Variants in BAG5 observed in about 807,000 individuals in gnomAD.
BAG5 encodes the protein BAG cochaperone 5.
BAG5 carries 25 observed loss-of-function variants against 31.8 expected under a neutral mutation model. The ratio of observed to expected loss-of-function variants is 0.79; its 90% confidence interval spans 0.57 to 1.10. The LOEUF (loss-of-function observed/expected upper bound fraction) is 1.10. Among genes scored for constraint, BAG5 ranks in the 50% least tolerant of loss-of-function variants. The probability of loss-of-function intolerance (pLI) is 0.00; values close to 1 mark genes in which losing one functional copy is unlikely to be tolerated. For synonymous variants in BAG5, 208 were observed against 205.0 expected, an observed-to-expected ratio of 1.01 and a Z score of -0.13; for missense variants, 491 against 527.9, an observed-to-expected ratio of 0.93 and a Z score of 0.68.
chr14:103,559,711 TA>T lies in BAG5; in HGVS notation c.*109del, dbSNP rs2076057963. 4 of 1,362,326 alleles carry T rather than the reference TA, an allele frequency of 2.9e-6. No individual in the cohort carries two copies. The highest frequency in any genetic ancestry group is 4.0e-6 in the Non-Finnish European group (4 of 1,008,306). The allele number at this position is 1,362,326 out of a possible 1,614,324, so 84.4% of individuals were successfully genotyped here. On this transcript the variant is annotated 3_prime_UTR_variant, in exon 2 of 2. Transcript: ENST00000299204. ...TACTGAATAGAATTTGCTTCAATCA[TA>T]AATACTGAGACTGAAATATGCACGT...
In BAG5 at chr14:103,560,540, T is replaced by C; in HGVS notation, c.625A>G (p.Asn209Asp). 1 of 1,614,096 alleles carries C rather than the reference T, an allele frequency of 6.2e-7. No individual in the cohort carries two copies. Among genetic ancestry groups the C allele is most frequent in the Non-Finnish European group, 8.5e-7 (1 of 1,180,016 alleles). Residue 209 changes from asparagine (N) to aspartate (D), a missense_variant, in exon 2 of 2, where the codon AAC becomes GAC. By Grantham distance (23) the Asn-to-Asp change is conservative. Transcript: ENST00000299204. ...VLIALLMGVN[N>D]NETCRHLSCV... ...GATAAGTGCCTGCAGGTCTCATTGT[T>C]GTTCACACCCATCAGAAGTGCAATC...
chr14:103,562,508 G>A (rs1283800510), intron 1 of BAG5, 108 bp downstream of exon 1: 1 of 160,610 alleles, frequency 6.2e-6, no homozygotes, highest in African/African-American at 2.4e-5. Context: ...AGGCCGCACG[G>A]GGCTGGGCGC....
chr14:103,561,564 C>A (rs1181230314), intron 1 of BAG5, among the ~76,000 whole-genome samples: 2 of 152,176 alleles, frequency 1.3e-5, no homozygotes, highest in East Asian at 3.8e-4. Flanking sequence ...CAGTACCCCG[C>A]CCCGCCACAC....
In BAG5 at chr14:103,557,199, C is replaced by G. The variant is rs1296690249; in HGVS notation, c.*2622G>C. The G allele has an allele frequency of 6.6e-6, 1 of 152,136 alleles. No individual in the cohort carries two copies. Among genetic ancestry groups the G allele is most frequent in the Non-Finnish European group, 1.5e-5 (1 of 68,014 alleles). 9.4% of individuals were successfully genotyped at this position (152,136 alleles called of 1,614,324 possible). On this transcript the variant is annotated 3_prime_UTR_variant, in exon 2 of 2. Transcript: ENST00000299204. ...AGTACAGATTCTTTTCATTACAGATCACAAAAATACAATACAATGTGACAA... is the reference window on the plus strand; with the variant it reads ...AGTACAGATTCTTTTCATTACAGATGACAAAAATACAATACAATGTGACAA...
rs1449328760 is a variant in BAG5, at chr14:103,558,210, T to C, written c.*1611A>G. 2 of 152,102 alleles carry C rather than the reference T, an allele frequency of 1.3e-5. No homozygotes were observed. The highest frequency in any genetic ancestry group is 2.9e-5 in the Non-Finnish European group (2 of 68,024). The allele number at this position is 152,102 out of a possible 1,614,324, so 9.4% of individuals were successfully genotyped here. A position where few individuals can be genotyped will look rare whatever the true frequency, so the allele number is the denominator to read the frequency against. On this transcript the variant is annotated 3_prime_UTR_variant, in exon 2 of 2. Coordinates refer to ENST00000299204, the MANE Select transcript of BAG5 (RefSeq NM_001015048.3). ...CACCGTCCAGCGATTCTAGAACATT[T>C]CTAGTAGGAAAGACATAGCAAGGGA...
rs1004919467 is a variant in BAG5, at chr14:103,561,041, G to A, written c.124C>T (p.Leu42=). 7 of 1,613,464 alleles carry A rather than the reference G, an allele frequency of 4.3e-6. No individual in the cohort carries two copies. Among genetic ancestry groups the A allele is most frequent in the Admixed American group, 1.7e-5 (1 of 60,016 alleles). The stretch of plus-strand genomic sequence containing the variant: ...AGCTGTTTTGTTAGAATCCTCTCCA[G>A]TTTCTTGTAATTCTTGTCATCTGAC... ...GLSDDKNYKK[L]ERILTKQLFE... Residue 42 remains leucine (L), a synonymous_variant, in exon 2 of 2, where the codon CTG becomes TTG. Transcript: ENST00000299204.
chr14:103,559,803 A>C lies in BAG5; in HGVS notation c.*18T>G. ...ATATGAAGTGCAAAACAGTATCAAA[A>C]GTGAGATCTCTGGTATTTCAGTACT... On this transcript the variant is annotated 3_prime_UTR_variant, in exon 2 of 2. Coordinates refer to ENST00000299204, the MANE Select transcript of BAG5 (RefSeq NM_001015048.3). 6.2e-7 allele frequency: 1 copy of C among 1,605,988 alleles called. No homozygotes were observed. The highest frequency in any genetic ancestry group is 2.2e-5 in the East Asian group (1 of 44,752).
At position 103,559,997 on chromosome 14, in the gene BAG5, G is replaced by A. The variant is rs182208325; in HGVS notation, c.1168C>T (p.Arg390Ter). Residue 390 changes from arginine (R) to a stop codon, truncating the protein, a stop_gained, in exon 2 of 2, where the codon CGA becomes TGA. Coordinates refer to ENST00000299204, the MANE Select transcript of BAG5 (RefSeq NM_001015048.3). LOFTEE classifies it high-confidence loss of function. Reference sequence around the variant, plus strand: ...AGCCGGATGTAGTTCTTATCGGTTCGATTTCCATCAAATGAAAGAACTTCT... The same window carrying A: ...AGCCGGATGTAGTTCTTATCGGTTCAATTTCCATCAAATGAAAGAACTTCT... ...QGEVLSFDGN[R>*]TDKNYIRLEE... 7 of 1,614,138 alleles carry A rather than the reference G, an allele frequency of 4.3e-6. No homozygotes were observed. Among genetic ancestry groups the A allele is most frequent in the East Asian group, 2.2e-5 (1 of 44,884 alleles).
Position 103,560,073 on chromosome 14 carries a change from T to C in BAG5, c.1092A>G (p.Pro364=). The C allele has an allele frequency of 6.2e-6, 10 of 1,614,178 alleles. No homozygotes were observed. Among genetic ancestry groups the C allele is most frequent in the Non-Finnish European group, 7.6e-6 (9 of 1,180,028 alleles). The change falls in exon 2 of 2, where the codon CCA becomes CCG. Residue 364 remains proline (P), a synonymous_variant. Coordinates refer to ENST00000299204, the MANE Select transcript of BAG5 (RefSeq NM_001015048.3). The part of the protein sequence containing the change: ...KRKLFACEEH[P]SHKAVWNVLG... ...GGACGTTCCAGACGGCTTTATGGGA[T>C]GGGTGCTCCTCACAAGCAAACAGCT...
chr14:103,560,697 G>T lies in BAG5; in HGVS notation c.468C>A (p.Ile156=). ...CTTCGATTATCTCTTGCACCGCACAGATTTTGGTTAAAGTGTGATACCTTG... is the reference window on the plus strand; with the variant it reads ...CTTCGATTATCTCTTGCACCGCACATATTTTGGTTAAAGTGTGATACCTTG... ...RKARYHTLTK[I]CAVQEIIEDC... Residue 156 remains isoleucine, a synonymous_variant, in exon 2 of 2, where the codon ATC becomes ATA. Transcript: ENST00000299204. 1.2e-6 allele frequency: 2 copies of T among 1,614,150 alleles called. No individual in the cohort carries two copies. Among genetic ancestry groups the T allele is most frequent in the Non-Finnish European group, 8.5e-7 (1 of 1,180,032 alleles).
At position 103,560,068 on chromosome 14, in the gene BAG5, T is replaced by G. The variant is rs771835915; in HGVS notation, c.1097A>C (p.His366Pro). Residue 366 changes from histidine to proline, a missense_variant, in exon 2 of 2, where the codon CAT becomes CCT. Physicochemically the swap from His to Pro is moderately conservative, Grantham distance 77 (BLOSUM62 -2). Coordinates refer to ENST00000299204, the MANE Select transcript of BAG5 (RefSeq NM_001015048.3). ...TCCAAGGACGTTCCAGACGGCTTTA[T>G]GGGATGGGTGCTCCTCACAAGCAAA... ...KLFACEEHPS[H>P]KAVWNVLGNL... 5 of 1,614,194 alleles carry G rather than the reference T, an allele frequency of 3.1e-6. No individual in the cohort carries two copies. Among genetic ancestry groups the G allele is most frequent in the Non-Finnish European group, 4.2e-6 (5 of 1,180,048 alleles).
intron 1 of BAG5, chr14:103,561,917 C>T: frequency 1.2e-6 from 2 of 1,607,770 alleles, no homozygotes; most frequent in Non-Finnish European, 1.7e-6. Flanking sequence ...ACTCGCCTCC[C>T]ACTGGGAGTC....
chr14:103,562,054 C>G (rs1363763476), intron 1 of BAG5: 3 of 1,301,328 alleles, frequency 2.3e-6, no homozygotes, highest in Non-Finnish European at 3.4e-6. Context: ...GGAAGGCGGC[C>G]CGAGCTGCTT....
In BAG5 at chr14:103,557,030, T is replaced by G. The variant is rs2076042787; in HGVS notation, c.*2791A>C. On this transcript the variant is annotated 3_prime_UTR_variant, in exon 2 of 2. Coordinates refer to ENST00000299204, the MANE Select transcript of BAG5 (RefSeq NM_001015048.3). ...TTCATTATAGGCTGACTGGCTTTCC[T>G]GTGTGGATAAAGTGTGATCTGAAAG... is the stretch of plus-strand genomic sequence containing the variant. The G allele has an allele frequency of 6.6e-6, 1 of 152,272 alleles. No individual in the cohort carries two copies. Among genetic ancestry groups the G allele is most frequent in the African/African-American group, 2.4e-5 (1 of 41,466 alleles). 9.4% of individuals were successfully genotyped at this position (152,272 alleles called of 1,614,324 possible). A position where few individuals can be genotyped will look rare whatever the true frequency, so the allele number is the denominator to read the frequency against.
At position 103,558,217 on chromosome 14, in the gene BAG5, G is replaced by A. The variant is rs1566971664; in HGVS notation, c.*1604C>T. 1.3e-5 allele frequency: 2 copies of A among 152,154 alleles called. No homozygotes were observed. The allele number at this position is 152,154 out of a possible 1,614,324, so 9.4% of individuals were successfully genotyped here. On this transcript the variant is annotated 3_prime_UTR_variant, in exon 2 of 2. Transcript: ENST00000299204. ...CAGCGATTCTAGAACATTTCTAGTA[G>A]GAAAGACATAGCAAGGGATTTTCAT...
chr14:103,561,242 A>T (rs113117376), intron 1 of BAG5, 50 bp from the exon 2 acceptor site: 4 of 1,501,894 alleles, frequency 2.7e-6, no homozygotes, highest in Non-Finnish European at 3.6e-6. Flanking sequence ...GCTTCTGCAG[A>T]ACACTAATGG....
In BAG5 at chr14:103,559,860, G is replaced by A. The variant is rs1186230462; in HGVS notation, c.1305C>T (p.Leu435=). Residue 435 remains leucine, a synonymous_variant, in exon 2 of 2, where the codon CTC becomes CTT. Transcript: ENST00000299204. ...KQAVRLAQNI[L]SYLDLKSDEW... is the part of the protein sequence containing the mutation. The stretch of plus-strand genomic sequence containing the variant: ...CATCAGATTTCAGGTCGAGATAGCT[G>A]AGAATATTCTGCGCAAGCCTCACAG... 16 of 1,614,002 alleles carry A rather than the reference G, an allele frequency of 9.9e-6. No individual in the cohort carries two copies. The highest frequency in any genetic ancestry group is 2.2e-5 in the East Asian group (1 of 44,892).
intron 1 of BAG5, 144 bp from the exon 2 acceptor site, chr14:103,561,336 T>A: frequency 2.5e-6 from 2 of 788,534 alleles, no homozygotes; most frequent in Non-Finnish European, 3.9e-6. Context: ...AGTAGCTGGG[T>A]CTACAGTCGT....
Position 103,560,570 on chromosome 14 carries a change from C to T in BAG5, c.595G>A (p.Val199Ile), listed in dbSNP as rs778861866. 1.9e-6 allele frequency: 3 copies of T among 1,614,082 alleles called. No homozygotes were observed. The highest frequency in any genetic ancestry group is 2.5e-6 in the Non-Finnish European group (3 of 1,180,030). Reference protein sequence around the residue: ...VMCEVNKARGVLIALLMGVNN... With the variant: ...VMCEVNKARGILIALLMGVNN... The stretch of plus-strand genomic sequence containing the variant: ...ACACCCATCAGAAGTGCAATCAGGA[C>T]CCCTCGGGCCTTGTTCACCTCACAC... Residue 199 changes from valine (V) to isoleucine (I), a missense_variant, in exon 2 of 2, where the codon GTC becomes ATC. By Grantham distance (29) the Val-to-Ile change is conservative (BLOSUM62 3). Transcript: ENST00000299204.
Sources: allele counts gnomAD v4.1 joint callset (sites outside exome capture counted in the v4.1 genomes callset), GRCh38; gene constraint gnomAD v4.1.1; transcripts MANE v1.5; gene names NCBI Gene and HGNC (gene_info 2026-07-23, HGNC 2026-07-21).